C1orf21: variants seen among roughly 807,000 people sequenced by gnomAD.
C1orf21 encodes chromosome 1 open reading frame 21.
Under a neutral mutation model 18.7 loss-of-function variants are expected in C1orf21, and 3 were observed. That is an observed-to-expected ratio of 0.16 (90% confidence interval 0.07 to 0.42). C1orf21 has a LOEUF of 0.42. Among genes scored for constraint, C1orf21 ranks in the 10% least tolerant of loss-of-function variants. The pLI, the probability that C1orf21 is intolerant of heterozygous loss-of-function variation, is 0.99. For synonymous variants in C1orf21, 41 were observed against 46.4 expected (o/e 0.88, Z 0.47); for missense variants, 104 against 143.6 (o/e 0.72, Z 1.41).
intron 4 of C1orf21, among the ~76,000 whole-genome samples, chr1:184,591,287 G>T (rs1659432633): frequency 1.3e-5 from 2 of 152,108 alleles, no homozygotes; most frequent in Non-Finnish European, 2.9e-5. Context: ...ATGTGGTTTG[G>T]TGTAACAGAA....
chr1:184,486,035 C>G (rs1657727980), intron 2 of C1orf21, among the ~76,000 whole-genome samples: 1 of 152,144 alleles, frequency 6.6e-6, no homozygotes, highest in Admixed American at 6.5e-5. Context: ...TCCCTGATGT[C>G]TTGAGCTGAG....
intron 1 of C1orf21, among the ~76,000 whole-genome samples, chr1:184,438,862 A>G (rs915908145): frequency 2.0e-5 from 3 of 152,166 alleles, no homozygotes; most frequent in Non-Finnish European, 2.9e-5. Context: ...TACTTTCTTA[A>G]GTGTCATTGA....
chr1:184,466,325 C>T (rs988724198), intron 1 of C1orf21, among the ~76,000 whole-genome samples: 10 of 152,102 alleles, frequency 6.6e-5, no homozygotes, highest in South Asian at 2.1e-4. Flanking sequence ...CTCTTCAGTC[C>T]GGAGTAATGA....
intron 5 of C1orf21, among the ~76,000 whole-genome samples, chr1:184,617,915 T>G (rs1212203346): frequency 1.2e-4 from 17 of 146,752 alleles, no homozygotes; most frequent in African/African-American, 3.8e-4. Flanking sequence ...TTTTTTTTTT[T>G]TTTTTTTTTT....
At chr1:184,572,406 C>T (rs1659125606) in intron 3 of C1orf21, among the ~76,000 whole-genome samples, 1 of 152,180 alleles carries the variant, frequency 6.6e-6, no homozygotes. Context: ...CTATTCTGTT[C>T]TGTTTTGTAA....
At chr1:184,416,899 C>T (rs758343261) in intron 1 of C1orf21, among the ~76,000 whole-genome samples, 5 of 152,128 alleles carry the variant, frequency 3.3e-5, no homozygotes, top group African/African-American at 4.8e-5. Context: ...ATTCCTGACA[C>T]ATTTGTTTTA....
chr1:184,476,177 A>G (rs1345610750), intron 1 of C1orf21, among the ~76,000 whole-genome samples: 2 of 152,152 alleles, frequency 1.3e-5, no homozygotes, highest in African/African-American at 4.8e-5. Context: ...TGCCCTAGCA[A>G]GGAGGGTTTA....
At chr1:184,477,739 G>A (rs1224686658) in intron 2 of C1orf21, 136 bp downstream of exon 2, 4 of 681,268 alleles carry the variant, frequency 5.9e-6, no homozygotes, top group South Asian at 2.0e-5. Flanking sequence ...TAACGATCAA[G>A]TCGGTATTTA....
At chr1:184,539,121 G>C (rs1305866014) in intron 3 of C1orf21, among the ~76,000 whole-genome samples, 2 of 152,122 alleles carry the variant, frequency 1.3e-5, no homozygotes, top group South Asian at 2.1e-4. Flanking sequence ...TGAGTATGAT[G>C]TTCACTGGGG....
intron 1 of C1orf21, among the ~76,000 whole-genome samples, chr1:184,416,328 T>G (rs1656450993): frequency 6.6e-6 from 1 of 152,126 alleles, no homozygotes; most frequent in African/African-American, 2.4e-5. Context: ...CCTATAAGAA[T>G]TACAATGGGA....
In C1orf21 at chr1:184,590,725, TTTATGTG is replaced by T; in HGVS notation, c.190-11_190-5del. ...TAATCCTGTCTTTCACATGTCTGTG[TTTATGTG>T]TTTCAGGAAAAAAGTGCCAGCTCAA... On this transcript the variant is annotated splice_polypyrimidine_tract_variant and splice_region_variant and intron_variant, in intron 3 of 5. Coordinates refer to ENST00000235307, the MANE Select transcript of C1orf21 (RefSeq NM_030806.4). The T allele has an allele frequency of 6.2e-7, 1 of 1,605,462 alleles. No homozygotes were observed. Among genetic ancestry groups the T allele is most frequent in the Non-Finnish European group, 8.5e-7 (1 of 1,172,224 alleles).
chr1:184,532,807 A>C (rs1166366275), intron 3 of C1orf21, among the ~76,000 whole-genome samples: 2 of 152,300 alleles, frequency 1.3e-5, no homozygotes, highest in South Asian at 2.1e-4. Flanking sequence ...TTATTGTAGA[A>C]AAATTTTGAA....
At chr1:184,611,708 G>A (rs887822089) in intron 5 of C1orf21, among the ~76,000 whole-genome samples, 9 of 152,194 alleles carry the variant, frequency 5.9e-5, no homozygotes, top group African/African-American at 2.2e-4. Context: ...CAGAATGCAG[G>A]TGGGGCAATT....
chr1:184,436,685 CT>C (rs1656863756), intron 1 of C1orf21, among the ~76,000 whole-genome samples: 1 of 152,162 alleles, frequency 6.6e-6, no homozygotes, highest in African/African-American at 2.4e-5. Flanking sequence ...GGACTTCCCC[CT>C]TTCTCTTGTC....
chr1:184,460,617 G>GTCTTCTTCTTCTTCTTCTTCTTCT (rs1300212650), intron 1 of C1orf21, among the ~76,000 whole-genome samples: 3 of 116,476 alleles, frequency 2.6e-5, no homozygotes, highest in African/African-American at 1.1e-4. Context: ...TATTGTCGTC[G>GTCTTCTTCTTCTTCTTCTTCTTCT]TCGTCTTCTT....
At chr1:184,568,772 C>T (rs1033374121) in intron 3 of C1orf21, among the ~76,000 whole-genome samples, 59 of 152,230 alleles carry the variant, frequency 3.9e-4, no homozygotes, top group African/African-American at 1.2e-3. Flanking sequence ...AAGCACCACT[C>T]CTTCTCTTTG....
intron 4 of C1orf21, among the ~76,000 whole-genome samples, chr1:184,592,426 CAAT>C (rs1334504453): frequency 6.6e-6 from 1 of 152,066 alleles, no homozygotes; most frequent in Non-Finnish European, 1.5e-5. Context: ...AGTTAAAAAA[CAAT>C]AATGAGTAGT....
intron 2 of C1orf21, among the ~76,000 whole-genome samples, chr1:184,503,652 C>T (rs1658009984): frequency 6.6e-6 from 1 of 152,158 alleles, no homozygotes. Context: ...TCACTCTTCT[C>T]TGCTCTTTAA....
At chr1:184,499,744 A>C (rs543459587) in intron 2 of C1orf21, among the ~76,000 whole-genome samples, 4 of 152,168 alleles carry the variant, frequency 2.6e-5, no homozygotes, top group African/African-American at 9.6e-5. Context: ...TGAGCCCAGC[A>C]CTACCCTGTG....
Sources: gnomAD v4.1 joint callset for allele counts (sites outside exome capture counted in the v4.1 genomes callset) on GRCh38, gnomAD v4.1.1 for gene constraint, MANE v1.5 for transcripts, NCBI Gene and HGNC (gene_info 2026-07-23, HGNC 2026-07-21) for gene names.